PLA2G2F: variants seen among roughly 807,000 people sequenced by gnomAD.
PLA2G2F encodes the protein group IIF secretory phospholipase A2.
A neutral mutation model predicts 15.9 loss-of-function variants in PLA2G2F; 17 were observed. The observed-to-expected ratio is 1.07, with a 90% CI of 0.73 to 1.60. The LOEUF is 1.60. Ranked by LOEUF, PLA2G2F falls within the 40% of genes most tolerant of loss-of-function variation. The probability of loss-of-function intolerance (pLI) is 0.00; values close to 1 mark genes in which losing one functional copy is unlikely to be tolerated. For missense variants in PLA2G2F, 299 were observed against 278.2 expected (o/e 1.07, Z -0.53); for synonymous variants, 119 against 106.5 (o/e 1.12, Z -0.72).
In PLA2G2F at chr1:20,143,452, C is replaced by T. The variant is rs2017517927; in HGVS notation, c.176C>T (p.Ser59Phe). The change falls in exon 3 of 5, where the codon TCC becomes TTC. Residue 59 changes from serine to phenylalanine, a missense_variant. Ser to Phe is a radical substitution (Grantham distance 155). Transcript: ENST00000375102. ...CCCCCTGGTTCTCTTGCAGTTCTGT[C>T]CACAGCTCACGGCAGCCTGCTCAAC... The part of the protein sequence containing the change: ...TVAILAGSVL[S>F]TAHGSLLNLK... 3 of 1,613,846 alleles carry T rather than the reference C, an allele frequency of 1.9e-6. No individual in the cohort carries two copies. Among genetic ancestry groups the T allele is most frequent in the African/African-American group, 2.7e-5 (2 of 75,056 alleles).
In PLA2G2F at chr1:20,148,413, T is replaced by A. The variant is rs1251125211; in HGVS notation, c.*12T>A. ...CCGCCCCTCCCTAGAGCCTCTGAGG[T>A]TTGAGAGAGAGAGCGGGAGGAGGGT... On this transcript the variant is annotated 3_prime_UTR_variant, in exon 5 of 5. Coordinates refer to ENST00000375102, the MANE Select transcript of PLA2G2F (RefSeq NM_022819.4). 1 of 1,602,138 alleles carries A rather than the reference T, an allele frequency of 6.2e-7. No homozygotes were observed.
chr1:20,140,290 G>A, intron 2 of PLA2G2F, 72 bp downstream of exon 2: 1 of 1,541,500 alleles, frequency 6.5e-7, no homozygotes, highest in Non-Finnish European at 8.9e-7. Context: ...TTGGGCGCCT[G>A]AGTTATGGTT....
At chr1:20,145,680 G>A (rs551163872) in intron 4 of PLA2G2F, among the ~76,000 whole-genome samples, 4 of 151,804 alleles carry the variant, frequency 2.6e-5, no homozygotes, top group South Asian at 4.2e-4. Context: ...CGGTGCCATC[G>A]TAGCTCACTG....
rs879931888 is a variant in PLA2G2F, at chr1:20,139,333, G to A, written c.-95G>A. On this transcript the variant is annotated 5_prime_UTR_variant, in exon 1 of 5. Transcript: ENST00000375102. Reference sequence around the variant, plus strand: ...ACCTGCCACTCCCCTGCCAGTGTGCGAGGCAGCGTGAAGCTGGGGCCTGCT... The same window carrying A: ...ACCTGCCACTCCCCTGCCAGTGTGCAAGGCAGCGTGAAGCTGGGGCCTGCT... 20 of 933,104 alleles carry A rather than the reference G, an allele frequency of 2.1e-5. No individual in the cohort carries two copies. In the Middle Eastern group the frequency reaches 1.3e-3, roughly 61 times the overall value. 57.8% of individuals were successfully genotyped at this position (933,104 alleles called of 1,614,324 possible). A position where few individuals can be genotyped will look rare whatever the true frequency, so the allele number is the denominator to read the frequency against.
In PLA2G2F at chr1:20,143,503, C is replaced by G; in HGVS notation, c.227C>G (p.Thr76Arg). Residue 76 changes from threonine to arginine, a missense_variant, in exon 3 of 5, where the codon ACA (threonine) becomes AGA (arginine). Thr to Arg is a moderately conservative substitution (Grantham distance 71). Coordinates refer to ENST00000375102, the MANE Select transcript of PLA2G2F (RefSeq NM_022819.4). ...LNLKAMVEAV[T>R]GRSAILSFVG... ...CTGAAGGCCATGGTGGAGGCCGTCA[C>G]AGGGAGGAGCGCCATCCTGTCCTTC... 1 of 1,614,066 alleles carries G rather than the reference C, an allele frequency of 6.2e-7. No individual in the cohort carries two copies. Among genetic ancestry groups the G allele is most frequent in the South Asian group, 1.1e-5 (1 of 91,080 alleles).
At position 20,148,564 on chromosome 1, in the gene PLA2G2F, T is replaced by G; in HGVS notation, c.*163T>G. On this transcript the variant is annotated 3_prime_UTR_variant, in exon 5 of 5. Coordinates refer to ENST00000375102, the MANE Select transcript of PLA2G2F (RefSeq NM_022819.4). ...AGCTCTCAGAGGACTCAGGAAGGCC[T>G]GGGTCCTGACTCCCCCAGCCCAGCC... The G allele has an allele frequency of 1.6e-6, 1 of 630,762 alleles. No individual in the cohort carries two copies. The highest frequency in any genetic ancestry group is 2.7e-6 in the Non-Finnish European group (1 of 363,768). 39.1% of individuals were successfully genotyped at this position (630,762 alleles called of 1,614,324 possible).
rs374879474 is a variant in PLA2G2F, at chr1:20,144,570, C to G, written c.315-10C>G. ...GCCATGCCTGTCCACTCACCTCTGC[C>G]GCTCCCTAGGTGCTGCCACGCCCAC... On this transcript the variant is annotated splice_polypyrimidine_tract_variant and intron_variant, in intron 3 of 4. Coordinates refer to ENST00000375102, the MANE Select transcript of PLA2G2F (RefSeq NM_022819.4). 1.8e-4 allele frequency: 292 copies of G among 1,600,748 alleles called. No homozygotes were observed. Among genetic ancestry groups the G allele is most frequent in the Non-Finnish European group, 2.3e-4 (270 of 1,172,350 alleles).
rs2017679123 is a variant in PLA2G2F at position 20,149,208 on chromosome 1, T to G, written c.*807T>G. 1 of 152,336 alleles carries G rather than the reference T, an allele frequency of 6.6e-6. No homozygotes were observed. The highest frequency in any genetic ancestry group is 2.4e-5 in the African/African-American group (1 of 41,392). 9.4% of individuals were successfully genotyped at this position (152,336 alleles called of 1,614,324 possible). A position where few individuals can be genotyped will look rare whatever the true frequency, so the allele number is the denominator to read the frequency against. Reference sequence around the variant, plus strand: ...ACCCTGCTCTGCCACACCACGTGGGTCTGAGGAGCACTCCTACCCCCCGGC... The same window carrying G: ...ACCCTGCTCTGCCACACCACGTGGGGCTGAGGAGCACTCCTACCCCCCGGC... On this transcript the variant is annotated 3_prime_UTR_variant, in exon 5 of 5. Transcript: ENST00000375102.
At chr1:20,144,508 A>G in intron 3 of PLA2G2F, 72 bp from the exon 4 acceptor site, 1 of 1,061,174 alleles carries the variant, frequency 9.4e-7, no homozygotes, top group South Asian at 1.3e-5. Flanking sequence ...GGAAGAGATG[A>G]TCAGAGGTCT....
chr1:20,143,353 G>A, intron 2 of PLA2G2F, 93 bp from the exon 3 acceptor site: 1 of 1,483,712 alleles, frequency 6.7e-7, no homozygotes, highest in Non-Finnish European at 9.1e-7. Context: ...CTAGGTATTG[G>A]GAGGATGGTC....
At chr1:20,139,890 G>A (rs1044953449) in intron 1 of PLA2G2F, among the ~76,000 whole-genome samples, 29 of 152,132 alleles carry the variant, frequency 1.9e-4, no homozygotes, top group African/African-American at 7.0e-4. Flanking sequence ...TCTGGCCTGA[G>A]ACAGCAGGCT....
At chr1:20,141,134 C>T (rs1476931615) in intron 2 of PLA2G2F, 1 of 152,242 alleles carries the variant, frequency 6.6e-6, no homozygotes, top group East Asian at 1.9e-4. Context: ...GAGTTCAGTC[C>T]AAGCCACTGG....
At chr1:20,143,698 G>A (rs752458752) in intron 3 of PLA2G2F, 108 bp downstream of exon 3, 24 of 1,369,588 alleles carry the variant, frequency 1.8e-5, no homozygotes, top group Admixed American at 2.3e-5. Flanking sequence ...TTTCCCCAAA[G>A]GATCCAGCTT....
chr1:20,144,257 C>T (rs1480940920), intron 3 of PLA2G2F, among the ~76,000 whole-genome samples: 3 of 152,308 alleles, frequency 2.0e-5, no homozygotes, highest in Admixed American at 6.5e-5. Flanking sequence ...CTAGGCAGGT[C>T]CCTGACTCCT....
intron 3 of PLA2G2F, among the ~76,000 whole-genome samples, chr1:20,144,232 A>G (rs2017538623): frequency 6.6e-6 from 1 of 152,134 alleles, no homozygotes; most frequent in Admixed American, 6.5e-5. Context: ...ACGCTCCTCC[A>G]ACCTTGACGT....
At chr1:20,140,561 CTA>C in intron 2 of PLA2G2F, 1 of 285,546 alleles carries the variant, frequency 3.5e-6, no homozygotes, top group Non-Finnish European at 6.7e-6. Flanking sequence ...GCACAGGCAT[CTA>C]TGTGTGTGTA....
chr1:20,140,299 T>C lies in PLA2G2F; in HGVS notation c.169+81T>C. On this transcript the variant is annotated intron_variant, in intron 2 of 4. Coordinates refer to ENST00000375102, the MANE Select transcript of PLA2G2F (RefSeq NM_022819.4). ...GTGACCTTGGGCGCCTGAGTTATGG[T>C]TCCACTGACCAGCCTAGGTTCCTTC... The C allele has an allele frequency of 2.7e-6, 4 of 1,473,994 alleles. No homozygotes were observed. In the Middle Eastern group the frequency reaches 7.0e-4, roughly 258 times the overall value. 91.3% of individuals were successfully genotyped at this position (1,473,994 alleles called of 1,614,324 possible). A position where few individuals can be genotyped will look rare whatever the true frequency, so the allele number is the denominator to read the frequency against.
At chr1:20,147,996 G>A (rs886361157) in intron 4 of PLA2G2F, among the ~76,000 whole-genome samples, 194 bp from the exon 5 acceptor site, 2 of 152,072 alleles carry the variant, frequency 1.3e-5, no homozygotes, top group African/African-American at 2.4e-5. Flanking sequence ...ACAGACTGCC[G>A]GGCCCCAGCC....
At position 20,139,401 on chromosome 1, in the gene PLA2G2F, T is replaced by C. The variant is rs549410447; in HGVS notation, c.-27T>C. ...CGCATCTCAGACCTTCTGAGACCTA[T>C]GTTGCTGGCCCCCCAGAACCCGCAA... On this transcript the variant is annotated 5_prime_UTR_variant, in exon 1 of 5. The change abolishes an upstream ATG in the 5' untranslated region. Coordinates refer to ENST00000375102, the MANE Select transcript of PLA2G2F (RefSeq NM_022819.4). 1.1e-5 allele frequency: 17 copies of C among 1,525,994 alleles called. No individual in the cohort carries two copies. The Admixed American group carries it at 3.1e-4, about 28-fold the overall frequency. The allele number at this position is 1,525,994 out of a possible 1,614,324, so 94.5% of individuals were successfully genotyped here.
Sources: gnomAD v4.1 joint callset for allele counts (sites outside exome capture counted in the v4.1 genomes callset) on GRCh38, gnomAD v4.1.1 for gene constraint, MANE v1.5 for transcripts, NCBI Gene and HGNC (gene_info 2026-07-23, HGNC 2026-07-21) for gene names.